Variants in RBMS3 observed in about 807,000 individuals in gnomAD.
RBMS3 encodes RNA-binding motif, single-stranded-interacting protein 3.
A neutral mutation model predicts 66.8 loss-of-function variants in RBMS3; 27 were observed. The ratio of observed to expected loss-of-function variants is 0.40; its 90% CI spans 0.30 to 0.56. RBMS3 has a LOEUF of 0.56. Ranked by LOEUF, RBMS3 falls within the 20% of genes least tolerant of loss-of-function variation. RBMS3 has a pLI of 0.40. For missense variants in RBMS3, 513 were observed against 549.5 expected, an observed-to-expected ratio of 0.93 and a Z score of 0.66; for synonymous variants, 188 against 183.0, an observed-to-expected ratio of 1.03 and a Z score of -0.22.
intron 4 of RBMS3, among the ~76,000 whole-genome samples, chr3:29,707,488 T>G (rs1360558269): frequency 6.6e-6 from 1 of 152,224 alleles, no homozygotes; most frequent in Non-Finnish European, 1.5e-5. Context: ...TGATTTTTCT[T>G]AAGTGTAGCA....
intron 4 of RBMS3, among the ~76,000 whole-genome samples, chr3:29,664,860 C>G (rs1157433019): frequency 6.6e-6 from 1 of 151,896 alleles, no homozygotes; most frequent in African/African-American, 2.4e-5. Context: ...GAAAAGAGTT[C>G]TTAGAGGACA....
At chr3:29,526,671 G>A (rs1221501216) in intron 3 of RBMS3, among the ~76,000 whole-genome samples, 1 of 150,488 alleles carries the variant, frequency 6.6e-6, no homozygotes, top group Non-Finnish European at 1.5e-5. Flanking sequence ...TGCCACTGGT[G>A]TAAAATTTGC....
intron 1 of RBMS3, among the ~76,000 whole-genome samples, chr3:29,343,578 A>T (rs774832570): frequency 2.0e-5 from 3 of 152,150 alleles, no homozygotes; most frequent in Non-Finnish European, 4.4e-5. Context: ...ATCAAATCAC[A>T]GAAAAAAAAA....
At chr3:29,322,644 C>A (rs1241946928) in intron 1 of RBMS3, among the ~76,000 whole-genome samples, 1 of 151,732 alleles carries the variant, frequency 6.6e-6, no homozygotes, top group Non-Finnish European at 1.5e-5. Flanking sequence ...AATGGCCATA[C>A]TCCAGACACT....
intron 2 of RBMS3, among the ~76,000 whole-genome samples, chr3:29,464,523 A>G (rs2125786167): frequency 6.6e-6 from 1 of 152,284 alleles, no homozygotes; most frequent in Middle Eastern, 3.4e-3. Flanking sequence ...AACCATAGTT[A>G]CTCACAAGTA....
At chr3:29,800,268 T>C (rs760782776) in intron 6 of RBMS3, among the ~76,000 whole-genome samples, 1 of 152,034 alleles carries the variant, frequency 6.6e-6, no homozygotes, top group Non-Finnish European at 1.5e-5. Context: ...TCCATTTTTA[T>C]GGTTATGTCT....
intron 3 of RBMS3, among the ~76,000 whole-genome samples, chr3:29,541,112 T>A (rs746937936): frequency 2.6e-5 from 4 of 152,184 alleles, no homozygotes; most frequent in Non-Finnish European, 5.9e-5. Flanking sequence ...TGTAACTGTT[T>A]AAGTGGGTAG....
intron 1 of RBMS3, among the ~76,000 whole-genome samples, chr3:29,357,828 T>G (rs1446640723): frequency 2.6e-5 from 4 of 152,356 alleles, no homozygotes. Flanking sequence ...CATGTGTCTG[T>G]TGGCTGCATA....
At chr3:29,994,526 C>G (rs1326204042) in intron 14 of RBMS3, among the ~76,000 whole-genome samples, 1 of 152,240 alleles carries the variant, frequency 6.6e-6, no homozygotes, top group Non-Finnish European at 1.5e-5. Flanking sequence ...ACTTAAATGT[C>G]TCTGTCTGAC....
At chr3:29,453,657 A>G (rs2042083802) in intron 2 of RBMS3, among the ~76,000 whole-genome samples, 1 of 152,198 alleles carries the variant, frequency 6.6e-6, no homozygotes, top group South Asian at 2.1e-4. Flanking sequence ...TCTGGCTGGA[A>G]TTAGGATGCT....
At chr3:29,595,499 G>A (rs2047916098) in intron 4 of RBMS3, among the ~76,000 whole-genome samples, 1 of 151,874 alleles carries the variant, frequency 6.6e-6, no homozygotes, top group African/African-American at 2.4e-5. Flanking sequence ...AAGCTGATCT[G>A]AGTCAATTAC....
chr3:29,712,128 G>T (rs982944195), intron 4 of RBMS3, among the ~76,000 whole-genome samples: 1 of 151,986 alleles, frequency 6.6e-6, no homozygotes, highest in African/African-American at 2.4e-5. Flanking sequence ...AAGAGAAAAA[G>T]GTTTTCTCTG....
intron 1 of RBMS3, among the ~76,000 whole-genome samples, chr3:29,359,865 T>A: frequency 6.6e-6 from 1 of 152,200 alleles, no homozygotes; most frequent in East Asian, 1.9e-4. Context: ...TGATGGTAGT[T>A]TGTATTTCTA....
At chr3:29,786,408 C>T (rs911335783) in intron 6 of RBMS3, among the ~76,000 whole-genome samples, 2 of 152,034 alleles carry the variant, frequency 1.3e-5, no homozygotes, top group African/African-American at 4.8e-5. Context: ...ACAAAAAGAA[C>T]AAATCTGGAG....
At chr3:29,579,190 G>C (rs1239132321) in intron 3 of RBMS3, among the ~76,000 whole-genome samples, 1 of 152,178 alleles carries the variant, frequency 6.6e-6, no homozygotes, top group Non-Finnish European at 1.5e-5. Context: ...TTTCCGGGTT[G>C]TTGCCCAATT....
At chr3:29,320,587 C>T (rs1248170025) in intron 1 of RBMS3, among the ~76,000 whole-genome samples, 1 of 151,810 alleles carries the variant, frequency 6.6e-6, no homozygotes, top group Non-Finnish European at 1.5e-5. Flanking sequence ...ATTTTATTCA[C>T]TTACAGAGGA....
intron 1 of RBMS3, among the ~76,000 whole-genome samples, chr3:29,333,046 G>A (rs1392178901): frequency 6.6e-6 from 1 of 151,964 alleles, no homozygotes; most frequent in Non-Finnish European, 1.5e-5. Flanking sequence ...TTTAGAAACA[G>A]GAAAATCTAA....
intron 2 of RBMS3, among the ~76,000 whole-genome samples, chr3:29,455,653 C>G (rs2042162554): frequency 6.6e-6 from 1 of 152,096 alleles, no homozygotes; most frequent in African/African-American, 2.4e-5. Context: ...AAGGCCAAAG[C>G]ACTGTAACTG....
intron 12 of RBMS3, among the ~76,000 whole-genome samples, chr3:29,961,523 A>G (rs1382224381): frequency 6.6e-6 from 1 of 152,150 alleles, no homozygotes; most frequent in African/African-American, 2.4e-5. Flanking sequence ...TCATGCTGCT[A>G]TGAAGAACTT....
Sources: allele counts gnomAD v4.1 joint callset (sites outside exome capture counted in the v4.1 genomes callset), GRCh38; gene constraint gnomAD v4.1.1; transcripts MANE v1.5; gene names NCBI Gene and HGNC (gene_info 2026-07-23, HGNC 2026-07-21).